The following ABLIM1 variants were observed in gnomAD, a reference collection of about 807,000 sequenced individuals.
ABLIM1 encodes actin binding LIM protein 1.
In ABLIM1, 40 loss-of-function variants were observed where a neutral mutation model predicts 107.0. That is an observed-to-expected ratio of 0.37 (90% CI 0.29 to 0.49). The LOEUF is 0.49. ABLIM1 is among the 20% of genes least tolerant of loss of function. ABLIM1 has a pLI of 0.97. For missense variants in ABLIM1, 857 were observed against 1,008.5 expected (o/e 0.85, Z 2.04); for synonymous variants, 357 against 357.3 (o/e 1.00, Z 0.01).
intron 1 of ABLIM1, among the ~76,000 whole-genome samples, chr10:114,640,539 C>CCAACAACAA (rs147389561): frequency 2.6e-5 from 4 of 151,078 alleles, no homozygotes; most frequent in Non-Finnish European, 4.4e-5. Flanking sequence ...AACAAACAAA[C>CCAACAACAA]CAACAACAAC....
At chr10:114,461,684 T>C (rs2063948574) in intron 12 of ABLIM1, among the ~76,000 whole-genome samples, 2 of 152,042 alleles carry the variant, frequency 1.3e-5, no homozygotes, top group African/African-American at 2.4e-5. Context: ...CTGGGTGTGG[T>C]GGTGCACACC....
At chr10:114,711,751 G>T (rs1228322597) in intron 1 of ABLIM1, among the ~76,000 whole-genome samples, 2 of 152,082 alleles carry the variant, frequency 1.3e-5, no homozygotes, top group Non-Finnish European at 2.9e-5. Context: ...AGGGAGGGGG[G>T]CTTGTCAGGA....
At chr10:114,517,839 C>T (rs1021109356) in intron 6 of ABLIM1, among the ~76,000 whole-genome samples, 1 of 152,146 alleles carries the variant, frequency 6.6e-6, no homozygotes, top group African/African-American at 2.4e-5. Flanking sequence ...TGAAACAAAA[C>T]CCCCTTTGGA....
At chr10:114,454,304 C>A (rs2062412302) in intron 12 of ABLIM1, among the ~76,000 whole-genome samples, 1 of 152,114 alleles carries the variant, frequency 6.6e-6, no homozygotes, top group African/African-American at 2.4e-5. Context: ...TAATGACATG[C>A]AATTGTTTAC....
intron 2 of ABLIM1, among the ~76,000 whole-genome samples, chr10:114,576,883 T>C (rs2072649436): frequency 6.6e-6 from 1 of 152,194 alleles, no homozygotes; most frequent in South Asian, 2.1e-4. Flanking sequence ...ACCCTATAAA[T>C]ACTCCTGTGA....
intron 6 of ABLIM1, among the ~76,000 whole-genome samples, chr10:114,497,401 C>T (rs942780323): frequency 2.8e-5 from 4 of 142,052 alleles, no homozygotes; most frequent in African/African-American, 5.3e-5. Flanking sequence ...CATTTCTGGC[C>T]GGGCGCGGTG....
At chr10:114,745,339 T>C (rs1041015775) in intron 1 of ABLIM1, among the ~76,000 whole-genome samples, 17 of 152,320 alleles carry the variant, frequency 1.1e-4, no homozygotes, top group Non-Finnish European at 7.3e-5. Flanking sequence ...GGCGGGCAGA[T>C]CACCTGAGGT....
chr10:114,722,880 T>C (rs1326822340), intron 1 of ABLIM1, among the ~76,000 whole-genome samples: 1 of 152,254 alleles, frequency 6.6e-6, no homozygotes, highest in Non-Finnish European at 1.5e-5. Context: ...AATGACATTT[T>C]AGGCTAGATA....
chr10:114,652,718 C>T (rs958749045), intron 1 of ABLIM1, among the ~76,000 whole-genome samples: 2 of 152,142 alleles, frequency 1.3e-5, no homozygotes, highest in African/African-American at 4.8e-5. Flanking sequence ...ATAATAGTGC[C>T]AGTCTCTTGT....
At chr10:114,529,904 G>A (rs1268509997) in intron 6 of ABLIM1, among the ~76,000 whole-genome samples, 1 of 152,178 alleles carries the variant, frequency 6.6e-6, no homozygotes. Context: ...GCATGCACCT[G>A]TAATCCCAGC....
At chr10:114,463,150 C>T in intron 12 of ABLIM1, 1 of 1,304,562 alleles carries the variant, frequency 7.7e-7, no homozygotes, top group South Asian at 1.2e-5. Context: ...CTCTGCACAC[C>T]AGGAGACAAA....
At chr10:114,786,841 G>T in the ABLIM1 span, among the ~76,000 whole-genome samples, 2 of 152,144 alleles carry the variant, frequency 1.3e-5, no homozygotes, top group Non-Finnish European at 2.9e-5. Context: ...ATCTCGGCTC[G>T]CTACAACATC....
At chr10:114,592,868 G>C (rs976025120) in intron 2 of ABLIM1, among the ~76,000 whole-genome samples, 54 of 152,240 alleles carry the variant, frequency 3.5e-4, no homozygotes, top group African/African-American at 1.3e-3. Flanking sequence ...AAGAAGGTTG[G>C]GGTGGGTATG....
At chr10:114,444,590 A>G (rs1044142698) in intron 16 of ABLIM1, among the ~76,000 whole-genome samples, 1 of 152,178 alleles carries the variant, frequency 6.6e-6, no homozygotes, top group African/African-American at 2.4e-5. Flanking sequence ...AACCCATAAT[A>G]TGTCACTCAG....
At position 114,716,102 on chromosome 10, in the gene ABLIM1, G is replaced by C. The variant is rs142695807; in HGVS notation, c.-213+51959C>G. ...AAAATGGTATTGTGAGAATAGGGAA[G>C]GAAATCTCTCTGGCACTCTGAGAAA... On this transcript the variant is annotated intron_variant, in intron 1 of 15. Coordinates refer to the ABLIM1 transcript ENST00000651092. 2.4e-3 allele frequency among the ~76,000 whole-genome samples: 360 copies of C among 152,254 alleles called. 2 individuals are homozygous for C. The highest frequency in any genetic ancestry group is 8.3e-3 in the African/African-American group (343 of 41,528).
At chr10:114,545,603 T>C (rs763634677) in intron 5 of ABLIM1, among the ~76,000 whole-genome samples, 7 of 152,130 alleles carry the variant, frequency 4.6e-5, no homozygotes, top group Non-Finnish European at 8.8e-5. Flanking sequence ...TAAAATATTG[T>C]TAATGTATAT....
At chr10:114,450,395 T>C (rs1180393593) in intron 14 of ABLIM1, among the ~76,000 whole-genome samples, 1 of 149,350 alleles carries the variant, frequency 6.7e-6, no homozygotes, top group Non-Finnish European at 1.5e-5. Flanking sequence ...TGTTATTTGA[T>C]TTTGATTTTC....
chr10:114,625,425 C>T (rs952793061), intron 1 of ABLIM1, among the ~76,000 whole-genome samples: 2 of 152,154 alleles, frequency 1.3e-5, no homozygotes, highest in African/African-American at 4.8e-5. Context: ...GAGGCAGCAA[C>T]ACTTCACAGC....
At chr10:114,772,791 T>C (rs186441189), upstream of ABLIM1, among the ~76,000 whole-genome samples, 1 of 152,048 alleles carries the variant, frequency 6.6e-6, no homozygotes, top group Non-Finnish European at 1.5e-5. Context: ...AGATAATACA[T>C]ATAAAACAAG....
Sources: allele counts gnomAD v4.1 joint callset (sites outside exome capture counted in the v4.1 genomes callset), GRCh38; gene constraint gnomAD v4.1.1; transcripts MANE v1.5; gene names NCBI Gene and HGNC (gene_info 2026-07-23, HGNC 2026-07-21).